The following RBFOX1 variants were observed in gnomAD, a reference collection of about 807,000 sequenced individuals.
RBFOX1 encodes RNA binding protein fox-1 homolog 1.
Under a neutral mutation model 57.7 loss-of-function variants are expected in RBFOX1, and 8 were observed. The observed-to-expected ratio is 0.14, with a 90% CI of 0.08 to 0.25. The LOEUF is 0.25. RBFOX1 is among the 10% of genes least tolerant of loss of function. The pLI, the probability that RBFOX1 is intolerant of heterozygous loss-of-function variation, is 1.00. For missense variants in RBFOX1, 611 were observed against 548.5 expected (o/e 1.11, Z -1.14); for synonymous variants, 326 against 222.4 (o/e 1.47, Z -4.15).
chr16:7,623,478 A>G (rs893803356), intron 10 of RBFOX1, among the ~76,000 whole-genome samples: 9 of 152,164 alleles, frequency 5.9e-5, no homozygotes, highest in Admixed American at 3.9e-4. Flanking sequence ...CACACAACCA[A>G]GATCCCTAGC....
intron 5 of RBFOX1, among the ~76,000 whole-genome samples, chr16:7,519,009 T>A (rs1218437504): frequency 6.6e-6 from 1 of 152,106 alleles, no homozygotes; most frequent in Admixed American, 6.5e-5. Flanking sequence ...GGTCACAGAG[T>A]GAAACTCTGT....
At chr16:6,973,766 C>T (rs530272404) in intron 3 of RBFOX1, among the ~76,000 whole-genome samples, 1 of 151,962 alleles carries the variant, frequency 6.6e-6, no homozygotes, top group Non-Finnish European at 1.5e-5. Flanking sequence ...ACCCATTAAC[C>T]GGTAGTTTTT....
chr16:7,510,323 T>G (rs561580828), intron 4 of RBFOX1: 42 of 985,466 alleles, frequency 4.3e-5, no homozygotes, highest in African/African-American at 1.9e-4. Context: ...GTATTTTTGT[T>G]TTTTTTTCCA....
chr16:5,354,835 G>A (rs1444826660), intron 1 of RBFOX1, among the ~76,000 whole-genome samples: 1 of 152,224 alleles, frequency 6.6e-6, no homozygotes, highest in African/African-American at 2.4e-5. Context: ...GATGGCAGCA[G>A]CCACTTGTCA....
chr16:6,120,521 A>G (rs2096541342), intron 1 of RBFOX1, among the ~76,000 whole-genome samples: 1 of 152,102 alleles, frequency 6.6e-6, no homozygotes, highest in Non-Finnish European at 1.5e-5. Context: ...TGGGTCGTAT[A>G]ATTTGTCTCA....
At chr16:7,366,215 C>T (rs1228793025) in intron 4 of RBFOX1, among the ~76,000 whole-genome samples, 1 of 152,256 alleles carries the variant, frequency 6.6e-6, no homozygotes, top group African/African-American at 2.4e-5. Flanking sequence ...TTGGTGTCTG[C>T]TGCCATTGCA....
intron 4 of RBFOX1, among the ~76,000 whole-genome samples, chr16:7,387,144 A>G (rs1053924103): frequency 5.9e-5 from 9 of 152,128 alleles, no homozygotes; most frequent in Admixed American, 5.2e-4. Flanking sequence ...AGATGAATAG[A>G]TGGTAAAAAT....
intron 3 of RBFOX1, among the ~76,000 whole-genome samples, chr16:6,842,822 T>C (rs1229312934): frequency 1.3e-5 from 2 of 151,980 alleles, no homozygotes; most frequent in African/African-American, 4.8e-5. Flanking sequence ...CCCTCCATGT[T>C]CCCCCAACCC....
rs536529201 is a variant in RBFOX1 at position 7,187,690 on chromosome 16, C to CAAAAAAAAAAAAAAA, written c.27+135613_27+135627dup. ...GGCAACAGAATGAGACTCTGTCTCA[C>CAAAAAAAAAAAAAAA]AAAAAAAAAAAAAAAAAAAAAAAAA... On this transcript the variant is annotated intron_variant, in intron 4 of 15. Transcript: ENST00000550418. 2.1e-4 allele frequency among the ~76,000 whole-genome samples: 15 copies of CAAAAAAAAAAAAAAA among 72,568 alleles called. 2 individuals are homozygous for CAAAAAAAAAAAAAAA. The highest frequency in any genetic ancestry group is 4.8e-4 in the East Asian group (1 of 2,064). 47.6% of individuals were successfully genotyped at this position (72,568 alleles called of 152,430 possible).
At chr16:6,780,706 T>C (rs2080868925) in intron 3 of RBFOX1, among the ~76,000 whole-genome samples, 1 of 150,954 alleles carries the variant, frequency 6.6e-6, no homozygotes, top group African/African-American at 2.4e-5. Flanking sequence ...GGGTGAGATA[T>C]TTCATTACAA....
At chr16:6,523,011 C>G (rs1241160280) in intron 2 of RBFOX1, among the ~76,000 whole-genome samples, 3 of 152,188 alleles carry the variant, frequency 2.0e-5, no homozygotes, top group Non-Finnish European at 4.4e-5. Flanking sequence ...GAACCATTGT[C>G]CATCCTACAT....
At chr16:7,491,987 G>T (rs2067115887) in intron 4 of RBFOX1, among the ~76,000 whole-genome samples, 1 of 152,026 alleles carries the variant, frequency 6.6e-6, no homozygotes, top group Non-Finnish European at 1.5e-5. Context: ...TAACGCCTAG[G>T]CTGATAACAC....
chr16:7,472,376 C>T (rs2061721313), intron 4 of RBFOX1, among the ~76,000 whole-genome samples: 1 of 151,836 alleles, frequency 6.6e-6, no homozygotes, highest in Admixed American at 6.6e-5. Flanking sequence ...ACAGTAATAC[C>T]CTCTTGCAGT....
chr16:7,550,507 A>C (rs906014864), intron 5 of RBFOX1, among the ~76,000 whole-genome samples: 4 of 152,176 alleles, frequency 2.6e-5, no homozygotes, highest in Non-Finnish European at 5.9e-5. Context: ...CTGTATCAAT[A>C]AAACGACCAA....
At chr16:7,710,444 A>C in intron 15 of RBFOX1, 179 bp from the exon 16 acceptor site, 1 of 1,429,468 alleles carries the variant, frequency 7.0e-7, no homozygotes, top group Non-Finnish European at 9.1e-7. Context: ...AGGAGGAGCT[A>C]TTGGGGAAGG....
chr16:6,371,928 T>C (rs1271464221), intron 2 of RBFOX1, among the ~76,000 whole-genome samples: 3 of 152,208 alleles, frequency 2.0e-5, no homozygotes, highest in African/African-American at 7.2e-5. Flanking sequence ...GTGAGACCCT[T>C]CAGAAGAGAG....
At chr16:6,541,968 A>G (rs931059922) in intron 2 of RBFOX1, among the ~76,000 whole-genome samples, 1 of 149,830 alleles carries the variant, frequency 6.7e-6, no homozygotes, top group Non-Finnish European at 1.5e-5. Context: ...AATTAAAGAG[A>G]TTAGGTCTCA....
At chr16:5,966,238 TC>T (rs745572549) in intron 4 of RBFOX1, among the ~76,000 whole-genome samples, 2 of 152,140 alleles carry the variant, frequency 1.3e-5, no homozygotes, top group Non-Finnish European at 2.9e-5. Flanking sequence ...ATTCGGCCAT[TC>T]TTGTGCTGCT....
At chr16:5,958,341 A>T (rs987825748) in intron 4 of RBFOX1, among the ~76,000 whole-genome samples, 2 of 152,122 alleles carry the variant, frequency 1.3e-5, no homozygotes, top group Admixed American at 1.3e-4. Context: ...TTTGCTAAGG[A>T]TGTGGAGATA....
Sources: gnomAD v4.1 joint callset for allele counts (sites outside exome capture counted in the v4.1 genomes callset) on GRCh38, gnomAD v4.1.1 for gene constraint, MANE v1.5 for transcripts, NCBI Gene and HGNC (gene_info 2026-07-23, HGNC 2026-07-21) for gene names.